Variants in NCBP3 observed in about 807,000 individuals in gnomAD.
NCBP3 encodes nuclear cap binding subunit 3.
A neutral mutation model predicts 75.7 loss-of-function variants in NCBP3; 20 were observed. That is an observed-to-expected ratio of 0.26 (90% CI 0.19 to 0.38). The LOEUF is 0.38. Ranked by LOEUF, NCBP3 falls within the 10% of genes least tolerant of loss-of-function variation. The probability of loss-of-function intolerance (pLI) is 1.00; values close to 1 mark genes in which losing one functional copy is unlikely to be tolerated. For missense variants in NCBP3, 678 were observed against 796.9 expected, an observed-to-expected ratio of 0.85 and a Z score of 1.80; for synonymous variants, 293 against 290.5, an observed-to-expected ratio of 1.01 and a Z score of -0.09.
chr17:3,826,666 AAGAAAGAAAG>A (rs1482634130), intron 4 of NCBP3, among the ~76,000 whole-genome samples: 1 of 147,288 alleles, frequency 6.8e-6, no homozygotes, highest in Non-Finnish European at 1.5e-5. Context: ...ATAAAAAAGA[AAGAAAGAAAG>A]AGAAAGAGAG....
chr17:3,839,959 G>A, intron 3 of NCBP3, 141 bp downstream of exon 3: 1 of 603,928 alleles, frequency 1.7e-6, no homozygotes, highest in Non-Finnish European at 2.9e-6. Flanking sequence ...CCTCAGAAAT[G>A]GAGACTTCAC....
chr17:3,816,815 C>T (rs1005465137), intron 10 of NCBP3, among the ~76,000 whole-genome samples: 3 of 152,142 alleles, frequency 2.0e-5, no homozygotes, highest in Non-Finnish European at 4.4e-5. Context: ...GGGCGGATCA[C>T]GAGGTCAGGA....
In NCBP3 at chr17:3,843,156, C is replaced by T; in HGVS notation, c.184-5G>A. The T allele has an allele frequency of 1.3e-6, 2 of 1,551,102 alleles. No homozygotes were observed. The highest frequency in any genetic ancestry group is 1.7e-6 in the Non-Finnish European group (2 of 1,146,740). ...TTCATATCTTCTGCTCGTGTCCTAA[C>T]ACAAAGGGGAAGGGTGAGAAATTCA... On this transcript the variant is annotated splice_region_variant and splice_polypyrimidine_tract_variant and intron_variant, in intron 1 of 12. Transcript: ENST00000389005.
In NCBP3 at chr17:3,803,645, G is replaced by T. The variant is rs1048807331; in HGVS notation, c.*9399C>A. On this transcript the variant is annotated 3_prime_UTR_variant, in exon 13 of 13. Coordinates refer to ENST00000389005, the MANE Select transcript of NCBP3 (RefSeq NM_001114118.3). Reference sequence around the variant, plus strand: ...AGAAGAGGAGGGAACGAATGAAAGAGAAAATGTGGCAAAATGTTCTTTGTT... The same window carrying T: ...AGAAGAGGAGGGAACGAATGAAAGATAAAATGTGGCAAAATGTTCTTTGTT... The T allele has an allele frequency of 6.6e-6, 1 of 152,224 alleles. No homozygotes were observed. The highest frequency in any genetic ancestry group is 1.5e-5 in the Non-Finnish European group (1 of 68,046). 9.4% of individuals were successfully genotyped at this position (152,224 alleles called of 1,614,324 possible).
In NCBP3 at chr17:3,804,885, C is replaced by A. The variant is rs987632101; in HGVS notation, c.*8159G>T. The A allele has an allele frequency of 6.6e-6, 1 of 152,248 alleles. No homozygotes were observed. The highest frequency in any genetic ancestry group is 1.5e-5 in the Non-Finnish European group (1 of 68,068). The allele number at this position is 152,248 out of a possible 1,614,324, so 9.4% of individuals were successfully genotyped here. A position where few individuals can be genotyped will look rare whatever the true frequency, so the allele number is the denominator to read the frequency against. On this transcript the variant is annotated 3_prime_UTR_variant, in exon 13 of 13. Coordinates refer to ENST00000389005, the MANE Select transcript of NCBP3 (RefSeq NM_001114118.3). Reference sequence around the variant, plus strand: ...GCTAGTAAGGAGCAGAGCTGGGACTCCAAACAGGCCTGTTTCCTCCAGAAT... The same window carrying A: ...GCTAGTAAGGAGCAGAGCTGGGACTACAAACAGGCCTGTTTCCTCCAGAAT...
chr17:3,823,300 G>A (rs1012894400), intron 7 of NCBP3, among the ~76,000 whole-genome samples: 1 of 152,072 alleles, frequency 6.6e-6, no homozygotes, highest in Non-Finnish European at 1.5e-5. Context: ...AGCCAAGATC[G>A]CGCCACTGCA....
intron 9 of NCBP3, among the ~76,000 whole-genome samples, chr17:3,820,244 C>T (rs887113307): frequency 6.6e-6 from 1 of 152,162 alleles, no homozygotes; most frequent in Non-Finnish European, 1.5e-5. Context: ...GCCACTGTTC[C>T]CATCCTATGT....
chr17:3,814,607 G>C, intron 11 of NCBP3, 124 bp from the exon 12 acceptor site: 1 of 911,466 alleles, frequency 1.1e-6, no homozygotes, highest in Non-Finnish European at 1.6e-6. Flanking sequence ...CTGACAATCA[G>C]GCTGCTAAGT....
At chr17:3,822,228 A>G in intron 7 of NCBP3, 176 bp from the exon 8 acceptor site, 9 of 558,092 alleles carry the variant, frequency 1.6e-5, no homozygotes, top group Non-Finnish European at 2.8e-5. Context: ...TGCAGTGTAG[A>G]GGGGATAAAG....
rs984621164 is a variant in NCBP3 at position 3,807,336 on chromosome 17, T to C, written c.*5708A>G. The C allele has an allele frequency of 1.4e-4, 21 of 152,376 alleles. No individual in the cohort carries two copies. Among genetic ancestry groups the C allele is most frequent in the African/African-American group, 5.0e-4 (21 of 41,592 alleles). The allele number at this position is 152,376 out of a possible 1,614,324, so 9.4% of individuals were successfully genotyped here. On this transcript the variant is annotated 3_prime_UTR_variant, in exon 13 of 13. Coordinates refer to ENST00000389005, the MANE Select transcript of NCBP3 (RefSeq NM_001114118.3). ...TTCCCTAGCAAATGCTTTAGAGAGC[T>C]GGTAAGCTTCAGCTCCGACATGGCC... is the stretch of plus-strand genomic sequence containing the variant.
At chr17:3,825,906 G>A in intron 5 of NCBP3, 63 bp from the exon 6 acceptor site, 3 of 1,404,342 alleles carry the variant, frequency 2.1e-6, no homozygotes, top group Non-Finnish European at 2.9e-6. Context: ...TGAGATACAA[G>A]ATGAACTATC....
intron 7 of NCBP3, among the ~76,000 whole-genome samples, chr17:3,823,333 C>T (rs2053706661): frequency 6.6e-6 from 1 of 152,030 alleles, no homozygotes. Flanking sequence ...GACAGAGCAA[C>T]ACTCCGTCTC....
At chr17:3,845,695 C>T (rs1334438089) in intron 1 of NCBP3, among the ~76,000 whole-genome samples, 2 of 152,156 alleles carry the variant, frequency 1.3e-5, no homozygotes, top group Non-Finnish European at 2.9e-5. Flanking sequence ...TGGTTCTGTT[C>T]CCGCCCAGGG....
At position 3,807,294 on chromosome 17, in the gene NCBP3, T is replaced by G. The variant is rs760922780; in HGVS notation, c.*5750A>C. 2.0e-5 allele frequency: 3 copies of G among 152,220 alleles called. No individual in the cohort carries two copies. Among genetic ancestry groups the G allele is most frequent in the Admixed American group, 1.3e-4 (2 of 15,282 alleles). The allele number at this position is 152,220 out of a possible 1,614,324, so 9.4% of individuals were successfully genotyped here. ...GATGAATGCTTTTCTAAAAAATATT[T>G]TGGACCATCTGCATGATTCCCTAGC... On this transcript the variant is annotated 3_prime_UTR_variant, in exon 13 of 13. Transcript: ENST00000389005.
At chr17:3,836,954 C>T (rs1434293149) in intron 3 of NCBP3, among the ~76,000 whole-genome samples, 4 of 139,484 alleles carry the variant, frequency 2.9e-5, no homozygotes, top group African/African-American at 1.1e-4. Flanking sequence ...ATCGAGACCA[C>T]CCTGGTCAAC....
At chr17:3,834,064 T>G (rs978405713) in intron 3 of NCBP3, among the ~76,000 whole-genome samples, 3 of 152,216 alleles carry the variant, frequency 2.0e-5, no homozygotes, top group Non-Finnish European at 2.9e-5. Flanking sequence ...TGTTCACTAT[T>G]GCACTGCCGG....
chr17:3,816,333 C>G, intron 10 of NCBP3, 63 bp from the exon 11 acceptor site: 2 of 1,418,854 alleles, frequency 1.4e-6, no homozygotes, highest in South Asian at 1.3e-5. Flanking sequence ...AAGACCCAAA[C>G]AACAATCTCA....
chr17:3,829,132 G>A, intron 4 of NCBP3, 111 bp downstream of exon 4: 1 of 1,227,540 alleles, frequency 8.1e-7, no homozygotes, highest in South Asian at 1.5e-5. Context: ...AACAGCAGAA[G>A]TTCGGCATAA....
chr17:3,815,820 C>T (rs959963037), intron 11 of NCBP3, among the ~76,000 whole-genome samples: 1 of 152,078 alleles, frequency 6.6e-6, no homozygotes. Context: ...GGGACTTAAG[C>T]ATCAATGGAT....
Sources: allele counts gnomAD v4.1 joint callset (sites outside exome capture counted in the v4.1 genomes callset), GRCh38; gene constraint gnomAD v4.1.1; transcripts MANE v1.5; gene names NCBI Gene and HGNC (gene_info 2026-07-23, HGNC 2026-07-21).